Variants in EXOC4 observed in about 807,000 individuals in gnomAD.
EXOC4 encodes exocyst complex component 4, also known as SEC8-like 1.
In EXOC4, 71 loss-of-function variants were observed where a neutral mutation model predicts 107.2. That is an observed-to-expected ratio of 0.66 (90% confidence interval 0.55 to 0.81). The LOEUF is 0.81. Among genes scored for constraint, EXOC4 ranks in the 30% least tolerant of loss-of-function variants. EXOC4 has a pLI of 0.00. For missense variants in EXOC4, 1,108 were observed against 1,189.6 expected, an observed-to-expected ratio of 0.93 and a Z score of 1.01; for synonymous variants, 456 against 441.2, an observed-to-expected ratio of 1.03 and a Z score of -0.42.
chr7:133,391,159 G>A (rs1796843728), intron 7 of EXOC4, among the ~76,000 whole-genome samples: 1 of 152,192 alleles, frequency 6.6e-6, no homozygotes, highest in Non-Finnish European at 1.5e-5. Context: ...CCTGAAAGTT[G>A]TGAAGGGTTT....
At chr7:133,525,902 C>G (rs1357542885) in intron 9 of EXOC4, among the ~76,000 whole-genome samples, 2 of 152,070 alleles carry the variant, frequency 1.3e-5, no homozygotes, top group Non-Finnish European at 2.9e-5. Flanking sequence ...AGGTCATGCC[C>G]TTTTTGAATT....
chr7:133,769,025 G>T (rs191656764), intron 10 of EXOC4, among the ~76,000 whole-genome samples: 1 of 152,062 alleles, frequency 6.6e-6, no homozygotes, highest in Admixed American at 6.6e-5. Flanking sequence ...AATCACATAC[G>T]CTTGGATGTC....
rs116559143 is a variant in EXOC4 at position 133,837,177 on chromosome 7, T to G, written c.1734+19633T>G. Among the ~76,000 whole-genome samples, 363 of 152,316 alleles carry G rather than the reference T, an allele frequency of 2.4e-3. 5 individuals are homozygous for G. The highest frequency in any genetic ancestry group is 8.2e-3 in the African/African-American group (339 of 41,570). ...TAACAATTTTTGAATGCCTACTATG[T>G]GCCAGGGACAGTACTAAAAATTAGG... On this transcript the variant is annotated intron_variant, in intron 11 of 17. Coordinates refer to ENST00000253861, the MANE Select transcript of EXOC4 (RefSeq NM_021807.4).
chr7:134,060,458 C>G (rs1391833074), intron 17 of EXOC4, among the ~76,000 whole-genome samples: 1 of 152,194 alleles, frequency 6.6e-6, no homozygotes, highest in African/African-American at 2.4e-5. Context: ...TGATCCCATC[C>G]AGGCAGCCCC....
At chr7:133,272,918 A>G (rs190824368) in intron 1 of EXOC4, among the ~76,000 whole-genome samples, 1 of 152,194 alleles carries the variant, frequency 6.6e-6, no homozygotes, top group Admixed American at 6.5e-5. Flanking sequence ...CCTTAATGGT[A>G]ATTCTAACTA....
intron 12 of EXOC4, among the ~76,000 whole-genome samples, chr7:133,896,557 A>G (rs1311815192): frequency 1.3e-5 from 2 of 152,068 alleles, no homozygotes; most frequent in Non-Finnish European, 2.9e-5. Flanking sequence ...CAGGTGAGGT[A>G]TGTGCTGGAC....
chr7:133,372,757 A>G (rs1356442883), intron 6 of EXOC4, among the ~76,000 whole-genome samples: 1 of 152,232 alleles, frequency 6.6e-6, no homozygotes, highest in African/African-American at 2.4e-5. Flanking sequence ...ATTAGACACC[A>G]GTGTGCCTCA....
the EXOC4 span, among the ~76,000 whole-genome samples, chr7:134,096,636 AAACCACTGGTTAAGTCCAAG>A: frequency 6.6e-6 from 1 of 152,208 alleles, no homozygotes; most frequent in Non-Finnish European, 1.5e-5. Flanking sequence ...AGCCCCTGAC[AAACCACTGGTTAAGTCCAAG>A]AGTCCAAAAG....
At position 134,004,917 on chromosome 7, in the gene EXOC4, A is replaced by G; in HGVS notation, c.2354A>G (p.His785Arg). 5 of 1,611,202 alleles carry G rather than the reference A, an allele frequency of 3.1e-6. No homozygotes were observed. The highest frequency in any genetic ancestry group is 4.2e-6 in the Non-Finnish European group (5 of 1,178,440). Residue 785 changes from histidine to arginine, a missense_variant, in exon 16 of 18, where the codon CAC becomes CGC. Transcript: ENST00000253861. ...CCTATCTCTCTCTTTTTCAGGGTTC[A>G]CTGTTTCCACTATCTTATCCCTCTT... The part of the protein sequence containing the change: ...LLVLHLEVRV[H>R]CFHYLIPLAK...
chr7:133,787,997 A>C, intron 10 of EXOC4, among the ~76,000 whole-genome samples: 2 of 95,576 alleles, frequency 2.1e-5, no homozygotes, highest in South Asian at 6.5e-4. Flanking sequence ...ATATATATAT[A>C]TATATATATA....
At chr7:134,034,676 A>T (rs1585339643) in intron 17 of EXOC4, among the ~76,000 whole-genome samples, 2 of 152,304 alleles carry the variant, frequency 1.3e-5, no homozygotes, top group East Asian at 3.9e-4. Flanking sequence ...AGACATGTTG[A>T]ACTGTGAGTC....
At chr7:133,848,018 C>T (rs565933007) in intron 11 of EXOC4, among the ~76,000 whole-genome samples, 2 of 151,914 alleles carry the variant, frequency 1.3e-5, no homozygotes, top group Admixed American at 6.6e-5. Flanking sequence ...GCATGAGCCA[C>T]CGCGCCTGGC....
intron 17 of EXOC4, among the ~76,000 whole-genome samples, chr7:134,045,161 A>G (rs1330265191): frequency 6.6e-6 from 1 of 152,250 alleles, no homozygotes; most frequent in Non-Finnish European, 1.5e-5. Context: ...AATAATAAAC[A>G]TTAATAGAAT....
intron 7 of EXOC4, among the ~76,000 whole-genome samples, chr7:133,409,853 A>G (rs940435883): frequency 7.2e-5 from 11 of 152,178 alleles, no homozygotes; most frequent in African/African-American, 2.4e-4. Flanking sequence ...AGAACTAGAA[A>G]TTACTAGATC....
At chr7:133,512,038 C>T (rs777643718) in intron 9 of EXOC4, among the ~76,000 whole-genome samples, 80 of 152,192 alleles carry the variant, frequency 5.3e-4, no homozygotes, top group Non-Finnish European at 9.7e-4. Context: ...ATCCTACTCT[C>T]CTGGAGATTA....
At chr7:133,833,584 AC>A (rs1193908232) in intron 11 of EXOC4, among the ~76,000 whole-genome samples, 1 of 152,082 alleles carries the variant, frequency 6.6e-6, no homozygotes, top group African/African-American at 2.4e-5. Context: ...GGTTTTTGAA[AC>A]AGGGTCTCAC....
intron 7 of EXOC4, among the ~76,000 whole-genome samples, chr7:133,414,603 G>A (rs1438876785): frequency 6.6e-6 from 1 of 152,088 alleles, no homozygotes; most frequent in Non-Finnish European, 1.5e-5. Context: ...ATACAGTAGA[G>A]CAGTTAAAAT....
chr7:134,026,594 G>A (rs771226611), intron 17 of EXOC4, among the ~76,000 whole-genome samples: 4 of 151,486 alleles, frequency 2.6e-5, no homozygotes, highest in Admixed American at 2.6e-4. Flanking sequence ...ATAAAATGTA[G>A]CTTATAAATG....
intron 1 of EXOC4, among the ~76,000 whole-genome samples, chr7:133,257,549 G>T (rs767189480): frequency 9.9e-5 from 15 of 152,234 alleles, no homozygotes; most frequent in African/African-American, 1.7e-4. Flanking sequence ...ATTGGGAAAT[G>T]TGTCTGCCAC....
Sources: allele counts gnomAD v4.1 joint callset (sites outside exome capture counted in the v4.1 genomes callset), GRCh38; gene constraint gnomAD v4.1.1; transcripts MANE v1.5; gene names NCBI Gene and HGNC (gene_info 2026-07-23, HGNC 2026-07-21).